TF: variants seen among roughly 807,000 people sequenced by gnomAD.
TF encodes serotransferrin.
TF carries 55 observed loss-of-function variants against 82.4 expected under a neutral mutation model. The observed-to-expected ratio is 0.67, with a 90% CI of 0.54 to 0.84. The LOEUF (loss-of-function observed/expected upper bound fraction) is 0.84, where lower values mean the gene tolerates loss of function less well. TF is among the 40% of genes least tolerant of loss of function. The pLI, the probability that TF is intolerant of heterozygous loss-of-function variation, is 0.00. For missense variants in TF, 737 were observed against 868.4 expected (o/e 0.85, Z 1.90); for synonymous variants, 332 against 332.6 (o/e 1.00, Z 0.02).
the TF span, among the ~76,000 whole-genome samples, chr3:133,685,219 T>C: frequency 2.3e-3 from 347 of 152,352 alleles, 11 homozygotes; most frequent in East Asian, 0.051. Context: ...TAATAAGAGC[T>C]ATCTGTGACA....
intron 14 of TF, 115 bp from the exon 15 acceptor site, chr3:133,775,318 C>T (rs1934358076): frequency 9.7e-7 from 1 of 1,031,526 alleles, no homozygotes; most frequent in Non-Finnish European, 1.5e-6. Context: ...CCAGTGTGGG[C>T]ACTTCTGCTG....
At chr3:133,678,227 A>G in the TF span, among the ~76,000 whole-genome samples, 1 of 152,198 alleles carries the variant, frequency 6.6e-6, no homozygotes, top group African/African-American at 2.4e-5. Context: ...TCCATGGTAT[A>G]TATGTGCCAC....
chr3:133,748,344 T>C (rs1291766691), intron 1 of TF, 68 bp from the exon 2 acceptor site: 1 of 1,605,070 alleles, frequency 6.2e-7, no homozygotes. Context: ...AAGGCCTTTC[T>C]AGGGGCGATG....
chr3:133,724,615 C>A, the TF span, among the ~76,000 whole-genome samples: 1 of 152,174 alleles, frequency 6.6e-6, no homozygotes, highest in Non-Finnish European at 1.5e-5. Context: ...TGCCTGTTCA[C>A]TCTGATGGTA....
chr3:133,777,177 A>G lies in TF; in HGVS notation c.2001A>G (p.Glu667=), dbSNP rs1296158428. The G allele has an allele frequency of 6.2e-7, 1 of 1,614,134 alleles. No individual in the cohort carries two copies. Among genetic ancestry groups the G allele is most frequent in the Non-Finnish European group, 8.5e-7 (1 of 1,180,040 alleles). ...LAKLHDRNTY[E]KYLGEEYVKA... ...AACTTCATGACAGAAACACATATGAAAAATACTTAGGAGAAGAATATGTCA... is the reference window on the plus strand; with the variant it reads ...AACTTCATGACAGAAACACATATGAGAAATACTTAGGAGAAGAATATGTCA... Residue 667 remains glutamate, a synonymous_variant, in exon 16 of 17, where the codon GAA becomes GAG. Transcript: ENST00000402696.
upstream of TF, among the ~76,000 whole-genome samples, chr3:133,744,560 A>G (rs1037864612): frequency 2.0e-5 from 3 of 152,202 alleles, no homozygotes; most frequent in African/African-American, 7.2e-5. Context: ...CAGTAGGAAT[A>G]TGGCCCTCAT....
the TF span, among the ~76,000 whole-genome samples, chr3:133,676,588 G>C: frequency 6.6e-6 from 1 of 152,224 alleles, no homozygotes; most frequent in South Asian, 2.1e-4. Flanking sequence ...GGCAGAGCAA[G>C]AGGAAGGCAG....
chr3:133,713,911 C>A, the TF span, among the ~76,000 whole-genome samples: 2 of 152,180 alleles, frequency 1.3e-5, no homozygotes, highest in Non-Finnish European at 2.9e-5. Flanking sequence ...CTCCCCTGCT[C>A]CCAGTCTTCT....
Position 133,770,568 on chromosome 3 carries a change from T to C in TF, c.1683T>C (p.Thr561=), listed in dbSNP as rs1366805286. The C allele has an allele frequency of 6.2e-7, 1 of 1,613,962 alleles. No individual in the cohort carries two copies. The highest frequency in any genetic ancestry group is 8.5e-7 in the Non-Finnish European group (1 of 1,180,002). The stretch of plus-strand genomic sequence containing the variant: ...AACACCAGACTGTCCCACAGAACAC[T>C]GGGGGTAAGTGCACCTGCTCCTCTG... ...FVKHQTVPQN[T]GGKNPDPWAK... is the part of the protein sequence containing the mutation. The change falls in exon 14 of 17, where the codon ACT becomes ACC. Residue 561 remains threonine (T), a synonymous_variant. Transcript: ENST00000402696.
At chr3:133,684,854 T>C in the TF span, among the ~76,000 whole-genome samples, 4 of 152,336 alleles carry the variant, frequency 2.6e-5, no homozygotes, top group Admixed American at 2.6e-4. Flanking sequence ...ACTTATTTTA[T>C]GAGGCCAGCA....
At chr3:133,671,189 C>T in the TF span, among the ~76,000 whole-genome samples, 1 of 152,196 alleles carries the variant, frequency 6.6e-6, no homozygotes, top group East Asian at 1.9e-4. Context: ...AAGTGGATCT[C>T]ACTGGGCTTA....
the TF span, among the ~76,000 whole-genome samples, chr3:133,716,708 T>C: frequency 6.6e-6 from 1 of 152,220 alleles, no homozygotes; most frequent in African/African-American, 2.4e-5. Flanking sequence ...ACATTAATAC[T>C]TCTCTGCTCA....
the TF span, chr3:133,702,132 T>C: frequency 6.5e-6 from 1 of 152,904 alleles, no homozygotes; most frequent in Admixed American, 6.5e-5. Context: ...CACACAGCAC[T>C]TCTGCCAAAT....
the TF span, among the ~76,000 whole-genome samples, chr3:133,705,000 C>T: frequency 3.7e-4 from 56 of 152,320 alleles, no homozygotes; most frequent in African/African-American, 1.1e-3. Context: ...ATGGGTCGGG[C>T]GTGGTGGCTC....
At chr3:133,708,781 T>C in the TF span, among the ~76,000 whole-genome samples, 8 of 151,396 alleles carry the variant, frequency 5.3e-5, no homozygotes, top group Admixed American at 5.3e-4. Flanking sequence ...TTTTTTTTTT[T>C]TTCCGAAAGA....
chr3:133,699,494 G>T, the TF span: 2 of 1,182,938 alleles, frequency 1.7e-6, no homozygotes, highest in South Asian at 2.4e-5. Context: ...TGCTTTGCCT[G>T]AACAACACCC....
At chr3:133,676,351 A>T in the TF span, among the ~76,000 whole-genome samples, 1 of 152,214 alleles carries the variant, frequency 6.6e-6, no homozygotes, top group East Asian at 1.9e-4. Context: ...AAAAATCTGC[A>T]CATAAATGCA....
At chr3:133,777,427 G>T (rs1934424432) in intron 16 of TF, 189 bp downstream of exon 16, 1 of 607,698 alleles carries the variant, frequency 1.6e-6, no homozygotes, top group Non-Finnish European at 2.9e-6. Flanking sequence ...ATAGTAAGGG[G>T]ATACAGGCTC....
upstream of TF, among the ~76,000 whole-genome samples, chr3:133,743,992 C>T (rs192708512): frequency 6.6e-6 from 1 of 152,352 alleles, no homozygotes; most frequent in African/African-American, 2.4e-5. Flanking sequence ...CTGGCCTCTC[C>T]ATCTAGGTGT....
Sources: gnomAD v4.1 joint callset for allele counts (sites outside exome capture counted in the v4.1 genomes callset) on GRCh38, gnomAD v4.1.1 for gene constraint, MANE v1.5 for transcripts, NCBI Gene and HGNC (gene_info 2026-07-23, HGNC 2026-07-21) for gene names.